The following PDZRN4 variants were observed in gnomAD, a reference collection of about 807,000 sequenced individuals.
PDZRN4 encodes PDZ domain-containing RING finger protein 4.
In PDZRN4, 70 loss-of-function variants were observed where a neutral mutation model predicts 99.0. That is an observed-to-expected ratio of 0.71 (90% CI 0.58 to 0.86). The LOEUF is 0.86. PDZRN4 is among the 40% of genes least tolerant of loss of function. The pLI is 0.00. For missense variants in PDZRN4, 1,474 were observed against 1,331.2 expected (o/e 1.11, Z -1.67); for synonymous variants, 551 against 501.6 (o/e 1.10, Z -1.32).
chr12:41,261,639 A>G (rs1235295441), intron 3 of PDZRN4, among the ~76,000 whole-genome samples: 1 of 151,890 alleles, frequency 6.6e-6, no homozygotes, highest in Non-Finnish European at 1.5e-5. Context: ...ACAGGCGTGC[A>G]CCACCTCGCC....
chr12:41,306,841 T>C (rs1399343173), intron 3 of PDZRN4, among the ~76,000 whole-genome samples: 1 of 152,168 alleles, frequency 6.6e-6, no homozygotes, highest in Non-Finnish European at 1.5e-5. Context: ...ATAATGAGGA[T>C]CACCTTTTCT....
At chr12:41,496,661 C>G (rs763848381) in intron 3 of PDZRN4, among the ~76,000 whole-genome samples, 1 of 152,108 alleles carries the variant, frequency 6.6e-6, no homozygotes, top group Non-Finnish European at 1.5e-5. Flanking sequence ...ATGTGGACAA[C>G]TGGGCTACAG....
chr12:41,450,410 C>T (rs1022393825), intron 3 of PDZRN4, among the ~76,000 whole-genome samples: 6 of 152,052 alleles, frequency 3.9e-5, no homozygotes, highest in Admixed American at 6.6e-5. Context: ...TCATTTTAAC[C>T]AAGATTAATT....
intron 3 of PDZRN4, among the ~76,000 whole-genome samples, chr12:41,208,613 G>A (rs1428025606): frequency 6.6e-6 from 1 of 151,848 alleles, no homozygotes; most frequent in African/African-American, 2.4e-5. Context: ...TCCTTACACG[G>A]AAGTGGTTTT....
intron 3 of PDZRN4, among the ~76,000 whole-genome samples, chr12:41,205,153 C>T (rs1157785101): frequency 4.0e-5 from 6 of 151,842 alleles, no homozygotes; most frequent in African/African-American, 1.2e-4. Flanking sequence ...ATCAGACATA[C>T]ATTTGTCCTA....
Position 41,202,627 on chromosome 12 carries a change from G to A in PDZRN4, c.843+8439G>A, listed in dbSNP as rs77161222. 6.8e-3 allele frequency among the ~76,000 whole-genome samples: 1,040 copies of A among 152,094 alleles called. 7 individuals are homozygous for A. The highest frequency in any genetic ancestry group is 0.024 in the African/African-American group (1,004 of 41,504). On this transcript the variant is annotated intron_variant, in intron 3 of 9. Coordinates refer to ENST00000402685, the MANE Select transcript of PDZRN4 (RefSeq NM_001164595.2). ...AGATAACAGTGTTCTTAAAAAGAAT[G>A]TATCACTTATTTTATAATCAGCAAC...
intron 3 of PDZRN4, among the ~76,000 whole-genome samples, chr12:41,262,312 C>T (rs893873475): frequency 6.6e-6 from 1 of 152,162 alleles, no homozygotes; most frequent in Non-Finnish European, 1.5e-5. Context: ...GTGTCCACAA[C>T]GTTCACTTGC....
chr12:41,440,110 A>G (rs1196104385), intron 3 of PDZRN4, among the ~76,000 whole-genome samples: 1 of 152,162 alleles, frequency 6.6e-6, no homozygotes, highest in Non-Finnish European at 1.5e-5. Context: ...AGAGGATACT[A>G]TTTACAAAAG....
chr12:41,390,856 A>T (rs138487511), intron 3 of PDZRN4, among the ~76,000 whole-genome samples: 163 of 152,294 alleles, frequency 1.1e-3, no homozygotes, highest in African/African-American at 3.9e-3. Flanking sequence ...CAAAGAAGGA[A>T]GATACTATGA....
intron 3 of PDZRN4, among the ~76,000 whole-genome samples, chr12:41,477,495 A>C (rs2120587919): frequency 6.6e-6 from 1 of 152,308 alleles, no homozygotes; most frequent in East Asian, 1.9e-4. Context: ...ACAGCCGAAA[A>C]GGATGGTGAA....
At chr12:41,204,512 A>G (rs1158279572) in intron 3 of PDZRN4, among the ~76,000 whole-genome samples, 2 of 152,010 alleles carry the variant, frequency 1.3e-5, no homozygotes, top group African/African-American at 2.4e-5. Flanking sequence ...GAACTGCCCT[A>G]GACTGGGGAG....
At chr12:41,202,537 C>A (rs1320216648) in intron 3 of PDZRN4, among the ~76,000 whole-genome samples, 2 of 152,010 alleles carry the variant, frequency 1.3e-5, no homozygotes, top group African/African-American at 2.4e-5. Flanking sequence ...ATTATTACAG[C>A]CACATCACAG....
At chr12:41,416,769 C>G (rs1396063659) in intron 3 of PDZRN4, among the ~76,000 whole-genome samples, 1 of 152,136 alleles carries the variant, frequency 6.6e-6, no homozygotes, top group East Asian at 1.9e-4. Flanking sequence ...AATTGGTTTT[C>G]TTCCCTGGGT....
At chr12:41,567,474 C>T (rs1207492035) in intron 8 of PDZRN4, among the ~76,000 whole-genome samples, 1 of 152,112 alleles carries the variant, frequency 6.6e-6, no homozygotes, top group Non-Finnish European at 1.5e-5. Context: ...ATGAGCATGA[C>T]AGCTGTGGAT....
At chr12:41,255,963 C>T (rs150602803) in intron 3 of PDZRN4, among the ~76,000 whole-genome samples, 1,846 of 152,284 alleles carry the variant, frequency 0.012, 21 homozygotes, top group Admixed American at 0.022. Flanking sequence ...ACACCTCCCA[C>T]CAAGCCCAAT....
At chr12:41,215,221 C>A (rs1022791026) in intron 3 of PDZRN4, among the ~76,000 whole-genome samples, 2 of 151,954 alleles carry the variant, frequency 1.3e-5, no homozygotes, top group Non-Finnish European at 2.9e-5. Context: ...TAAGGAATGG[C>A]TTAGAAAAAT....
At chr12:41,313,277 T>G (rs1056114667) in intron 3 of PDZRN4, among the ~76,000 whole-genome samples, 1 of 152,178 alleles carries the variant, frequency 6.6e-6, no homozygotes, top group Non-Finnish European at 1.5e-5. Context: ...TACAAAAGAT[T>G]TAAAATTTTC....
At chr12:41,421,108 T>C (rs1352371151) in intron 3 of PDZRN4, among the ~76,000 whole-genome samples, 1 of 152,222 alleles carries the variant, frequency 6.6e-6, no homozygotes, top group African/African-American at 2.4e-5. Flanking sequence ...ATTTATTGCA[T>C]ATACCTCTTT....
At chr12:41,286,287 A>G (rs1010830004) in intron 3 of PDZRN4, among the ~76,000 whole-genome samples, 1 of 150,224 alleles carries the variant, frequency 6.7e-6, no homozygotes, top group African/African-American at 2.5e-5. Context: ...AAGAAGGCTG[A>G]TCGCTCAGAA....
Sources: allele counts gnomAD v4.1 joint callset (sites outside exome capture counted in the v4.1 genomes callset), GRCh38; gene constraint gnomAD v4.1.1; transcripts MANE v1.5; gene names NCBI Gene and HGNC (gene_info 2026-07-23, HGNC 2026-07-21).